TRIM44: variants seen among roughly 807,000 people sequenced by gnomAD.
The protein encoded by TRIM44 is tripartite motif containing 44.
TRIM44 carries 13 observed loss-of-function variants against 37.4 expected under a neutral mutation model. The observed-to-expected ratio is 0.35, with a 90% CI of 0.23 to 0.55. TRIM44 has a LOEUF of 0.55. TRIM44 is among the 20% of genes least tolerant of loss of function. The probability of loss-of-function intolerance (pLI) is 0.89; values close to 1 mark genes in which losing one functional copy is unlikely to be tolerated. For missense variants in TRIM44, 426 were observed against 437.2 expected (o/e 0.97, Z 0.23); for synonymous variants, 175 against 157.2 (o/e 1.11, Z -0.85).
chr11:35,669,376 AAGTTT>A (rs1851365960), intron 1 of TRIM44, among the ~76,000 whole-genome samples: 1 of 152,124 alleles, frequency 6.6e-6, no homozygotes, highest in African/African-American at 2.4e-5. Flanking sequence ...GGATAGTAAC[AAGTTT>A]AGTTTGCTTT....
intron 4 of TRIM44, among the ~76,000 whole-genome samples, chr11:35,752,495 C>G (rs1005856708): frequency 6.6e-5 from 10 of 151,598 alleles, no homozygotes; most frequent in African/African-American, 2.2e-4. Context: ...GTGGTTCTCC[C>G]CCTCCCTCAC....
intron 4 of TRIM44, among the ~76,000 whole-genome samples, chr11:35,750,156 A>G (rs1852542292): frequency 1.3e-5 from 2 of 152,220 alleles, no homozygotes; most frequent in African/African-American, 4.8e-5. Flanking sequence ...TATGAAACAA[A>G]TTTGATCAAG....
chr11:35,791,060 C>T (rs112757585), intron 4 of TRIM44, among the ~76,000 whole-genome samples: 156 of 152,286 alleles, frequency 1.0e-3, no homozygotes, highest in African/African-American at 3.6e-3. Context: ...AGCCCTCCCA[C>T]TGTCCCTGGC....
rs140164013 is a variant in TRIM44 at position 35,686,330 on chromosome 11, C to T, written c.747+994C>T. ...TTTCTCACAATTAAATAGGGAAAGG[C>T]GCATGATTTTATTTTACTGTAGGTT... On this transcript the variant is annotated intron_variant, in intron 2 of 4. Coordinates refer to ENST00000299413, the MANE Select transcript of TRIM44 (RefSeq NM_017583.6). 1.4e-4 allele frequency among the ~76,000 whole-genome samples: 21 copies of T among 150,698 alleles called. No homozygotes were observed. The East Asian group carries it at 2.4e-3, about 17-fold the overall frequency.
At chr11:35,714,534 G>A (rs1301459807) in intron 2 of TRIM44, among the ~76,000 whole-genome samples, 1 of 152,112 alleles carries the variant, frequency 6.6e-6, no homozygotes, top group African/African-American at 2.4e-5. Flanking sequence ...GCCCTTTCCT[G>A]AGTATTTGTG....
intron 1 of TRIM44, among the ~76,000 whole-genome samples, chr11:35,666,971 G>T (rs1368428802): frequency 6.6e-6 from 1 of 152,000 alleles, no homozygotes; most frequent in East Asian, 1.9e-4. Context: ...TCTGTTATTT[G>T]TTTTTTCTTG....
intron 3 of TRIM44, among the ~76,000 whole-genome samples, chr11:35,729,030 C>G (rs1377843227): frequency 6.6e-6 from 1 of 152,072 alleles, no homozygotes; most frequent in African/African-American, 2.4e-5. Context: ...AAGACTCTTG[C>G]AGGTGGAAAA....
At chr11:35,727,946 G>A (rs561296820) in intron 3 of TRIM44, among the ~76,000 whole-genome samples, 6 of 152,206 alleles carry the variant, frequency 3.9e-5, no homozygotes, top group Admixed American at 6.5e-5. Flanking sequence ...TCAAGGGATC[G>A]ACAGCATAAT....
chr11:35,662,942 C>T lies in TRIM44; in HGVS notation c.-170C>T, dbSNP rs1851286102. 8 of 1,184,852 alleles carry T rather than the reference C, an allele frequency of 6.8e-6. No individual in the cohort carries two copies. The East Asian group carries it at 1.4e-4, about 21-fold the overall frequency. The allele number at this position is 1,184,852 out of a possible 1,614,324, so 73.4% of individuals were successfully genotyped here. A position where few individuals can be genotyped will look rare whatever the true frequency, so the allele number is the denominator to read the frequency against. On this transcript the variant is annotated 5_prime_UTR_variant, in exon 1 of 5. Transcript: ENST00000299413. The stretch of plus-strand genomic sequence containing the variant: ...GGCGGAAAGGGTCTTTGCTGCTGCG[C>T]CCGGGCAGGGGCTGCCGCGGCCCCA...
intron 4 of TRIM44, among the ~76,000 whole-genome samples, chr11:35,804,552 A>G (rs1853423087): frequency 6.6e-6 from 1 of 152,208 alleles, no homozygotes; most frequent in Non-Finnish European, 1.5e-5. Context: ...CTCATATTTG[A>G]AATAAAACTG....
rs1229661087 is a variant in TRIM44, at chr11:35,817,958, T to A, written c.*11573T>A. 1.3e-5 allele frequency: 2 copies of A among 152,314 alleles called. No homozygotes were observed. The highest frequency in any genetic ancestry group is 2.1e-4 in the South Asian group (1 of 4,820). 9.4% of individuals were successfully genotyped at this position (152,314 alleles called of 1,614,324 possible). A position where few individuals can be genotyped will look rare whatever the true frequency, so the allele number is the denominator to read the frequency against. ...GCTGAGCAGATGCCAGCATCATGCT[T>A]GCTGTGCAGCCTGCAGAACTGTGAG... On this transcript the variant is annotated 3_prime_UTR_variant, in exon 5 of 5. Transcript: ENST00000299413.
chr11:35,742,195 G>A (rs995645763), intron 4 of TRIM44, among the ~76,000 whole-genome samples: 1 of 151,456 alleles, frequency 6.6e-6, no homozygotes, highest in African/African-American at 2.4e-5. Flanking sequence ...CTCCTGCTTC[G>A]GCCTCCCAAA....
intron 2 of TRIM44, among the ~76,000 whole-genome samples, chr11:35,692,410 A>G (rs1053956322): frequency 1.3e-5 from 2 of 152,298 alleles, no homozygotes; most frequent in East Asian, 1.9e-4. Flanking sequence ...TAGATTGAGT[A>G]TCCCTTATCT....
chr11:35,671,287 A>G (rs959510592), intron 1 of TRIM44, among the ~76,000 whole-genome samples: 3 of 152,214 alleles, frequency 2.0e-5, no homozygotes, highest in African/African-American at 7.2e-5. Context: ...TCCTTGCTCT[A>G]CCATTTTTTG....
intron 2 of TRIM44, among the ~76,000 whole-genome samples, chr11:35,695,335 G>T (rs1422216500): frequency 6.6e-6 from 1 of 152,120 alleles, no homozygotes; most frequent in African/African-American, 2.4e-5. Flanking sequence ...TAACTGATGG[G>T]TTATCTTGGG....
Position 35,685,278 on chromosome 11 carries a change from T to C in TRIM44, c.689T>C (p.Leu230Pro). The change falls in exon 2 of 5, where the codon CTG (leucine) becomes CCG (proline). Residue 230 changes from leucine (L) to proline (P), a missense_variant. Leu to Pro is a moderately conservative substitution (Grantham distance 98, BLOSUM62 -3). Around this residue, in one of 2 missense-constraint regions of TRIM44, gnomAD observed 331 missense variants for 303.0 expected, o/e 1.09. Transcript: ENST00000299413. ...TTCTAGAGCAAAGACTCAGGTGGAC[T>C]GAAGGCCGCTATGATCGAATTGGTG... is the stretch of plus-strand genomic sequence containing the variant. ...EELRSKDSGG[L>P]KAAMIELVER... The C allele has an allele frequency of 6.2e-7, 1 of 1,614,230 alleles. No homozygotes were observed. The highest frequency in any genetic ancestry group is 8.5e-7 in the Non-Finnish European group (1 of 1,180,020).
intron 4 of TRIM44, among the ~76,000 whole-genome samples, chr11:35,759,116 C>T (rs1267998501): frequency 6.6e-6 from 1 of 152,212 alleles, no homozygotes; most frequent in Non-Finnish European, 1.5e-5. Flanking sequence ...GTTCCATTCT[C>T]CCCGTCACTT....
At chr11:35,725,624 C>T (rs117260519) in intron 2 of TRIM44, among the ~76,000 whole-genome samples, 2,766 of 152,210 alleles carry the variant, frequency 0.018, 54 homozygotes, top group Non-Finnish European at 0.03. Context: ...TCATGAGCCA[C>T]CACGCCCGGC....
chr11:35,763,605 C>T (rs929547722), intron 4 of TRIM44, among the ~76,000 whole-genome samples: 27 of 152,178 alleles, frequency 1.8e-4, no homozygotes, highest in African/African-American at 6.5e-4. Flanking sequence ...AGCTCTATTC[C>T]TCTGGCTCTA....
Sources: allele counts gnomAD v4.1 joint callset (sites outside exome capture counted in the v4.1 genomes callset), GRCh38; gene constraint gnomAD v4.1.1; regional missense constraint gnomAD v4.1.1; transcripts MANE v1.5; gene names NCBI Gene and HGNC (gene_info 2026-07-23, HGNC 2026-07-21).